GRIK2: variants seen among roughly 807,000 people sequenced by gnomAD.
GRIK2 encodes the protein glutamate ionotropic receptor kainate type subunit 2, also known as glutamate receptor ionotropic, kainate 2.
A neutral mutation model predicts 100.3 loss-of-function variants in GRIK2; 32 were observed. The ratio of observed to expected loss-of-function variants is 0.32; its 90% confidence interval spans 0.24 to 0.43. GRIK2 has a LOEUF of 0.43. Ranked by LOEUF, GRIK2 falls within the 20% of genes least tolerant of loss-of-function variation. GRIK2 has a pLI of 1.00. For synonymous variants in GRIK2, 417 were observed against 389.4 expected (o/e 1.07, Z -0.83); for missense variants, 843 against 1,114.9 (o/e 0.76, Z 3.47).
intron 7 of GRIK2, among the ~76,000 whole-genome samples, chr6:101,770,502 A>G (rs1470544837): frequency 6.6e-6 from 1 of 152,182 alleles, no homozygotes; most frequent in Non-Finnish European, 1.5e-5. Context: ...AAAGTCTTTT[A>G]TGTCCTGGTT....
intron 7 of GRIK2, among the ~76,000 whole-genome samples, chr6:101,703,400 A>G (rs751671701): frequency 3.3e-5 from 5 of 152,010 alleles, no homozygotes; most frequent in South Asian, 2.1e-4. Flanking sequence ...GACATGGTCA[A>G]TTGTGTCAAA....
At chr6:101,640,318 G>A (rs1781225236) in intron 4 of GRIK2, among the ~76,000 whole-genome samples, 2 of 152,118 alleles carry the variant, frequency 1.3e-5, no homozygotes, top group South Asian at 4.1e-4. Flanking sequence ...TCAAAAAGTT[G>A]CAGTTTCCAA....
chr6:101,994,697 C>T (rs1022288148), intron 14 of GRIK2, among the ~76,000 whole-genome samples: 5 of 151,906 alleles, frequency 3.3e-5, no homozygotes, highest in South Asian at 4.1e-4. Flanking sequence ...ACCATCTGTG[C>T]TTTGTCTTTT....
chr6:101,574,113 C>A lies in GRIK2; in HGVS notation c.116-47836C>A, dbSNP rs1777683893. On this transcript the variant is annotated intron_variant, in intron 2 of 16. Transcript: ENST00000369134. ...ATTGAGATTATATATAAAAATATTTCATGATACATAAAATGGAAGGAAATG... is the reference window on the plus strand; with the variant it reads ...ATTGAGATTATATATAAAAATATTTAATGATACATAAAATGGAAGGAAATG... Among the ~76,000 whole-genome samples, 3 of 150,864 alleles carry A rather than the reference C, an allele frequency of 2.0e-5. No individual in the cohort carries two copies. The South Asian group carries it at 6.2e-4, about 31-fold the overall frequency.
At chr6:101,843,329 G>A (rs1225460561) in intron 10 of GRIK2, among the ~76,000 whole-genome samples, 2 of 152,096 alleles carry the variant, frequency 1.3e-5, no homozygotes, top group African/African-American at 4.8e-5. Flanking sequence ...TCATGTCCTT[G>A]TATCCCCCTG....
At chr6:102,062,858 G>A (rs1771823982) in intron 16 of GRIK2, among the ~76,000 whole-genome samples, 1 of 150,310 alleles carries the variant, frequency 6.7e-6, no homozygotes, top group Admixed American at 6.7e-5. Flanking sequence ...CCAATATTAT[G>A]TAAAATATTA....
intron 1 of GRIK2, among the ~76,000 whole-genome samples, chr6:101,397,499 T>G (rs1218216270): frequency 2.0e-5 from 3 of 152,186 alleles, no homozygotes; most frequent in African/African-American, 7.2e-5. Flanking sequence ...GAACTAGCCA[T>G]TCATGATACT....
At chr6:101,624,502 T>C (rs1191420706) in intron 3 of GRIK2, among the ~76,000 whole-genome samples, 1 of 152,208 alleles carries the variant, frequency 6.6e-6, no homozygotes, top group East Asian at 1.9e-4. Flanking sequence ...ACTTAATTAT[T>C]AAATATTTCC....
intron 7 of GRIK2, among the ~76,000 whole-genome samples, chr6:101,747,320 A>T (rs1304745973): frequency 6.6e-6 from 1 of 152,226 alleles, no homozygotes; most frequent in Non-Finnish European, 1.5e-5. Context: ...TACCCACATG[A>T]ATCAGCAGGC....
At chr6:101,694,511 T>A (rs1772332553) in intron 7 of GRIK2, among the ~76,000 whole-genome samples, 1 of 152,038 alleles carries the variant, frequency 6.6e-6, no homozygotes, top group Admixed American at 6.6e-5. Context: ...AAATACTGGT[T>A]GAAATTATTA....
chr6:101,706,002 A>G (rs1161645822), intron 7 of GRIK2, among the ~76,000 whole-genome samples: 1 of 151,906 alleles, frequency 6.6e-6, no homozygotes, highest in African/African-American at 2.4e-5. Flanking sequence ...ATGCACAAAA[A>G]CTGGACAGAA....
chr6:101,504,055 T>A (rs1562185735), intron 2 of GRIK2, among the ~76,000 whole-genome samples: 1 of 152,158 alleles, frequency 6.6e-6, no homozygotes, highest in African/African-American at 2.4e-5. Context: ...ATTTTATAGA[T>A]GAGTAAACTA....
At chr6:101,923,897 C>T (rs1174410289) in intron 12 of GRIK2, among the ~76,000 whole-genome samples, 1 of 147,288 alleles carries the variant, frequency 6.8e-6, no homozygotes, top group African/African-American at 2.5e-5. Flanking sequence ...CTCACTCCAG[C>T]CTGGGGGACA....
intron 7 of GRIK2, among the ~76,000 whole-genome samples, chr6:101,795,556 T>C (rs1485278497): frequency 6.6e-6 from 1 of 152,174 alleles, no homozygotes; most frequent in Admixed American, 6.5e-5. Context: ...AGTGGGCATG[T>C]GTGTGGTGAA....
chr6:101,617,147 A>G (rs1779927715), intron 2 of GRIK2, among the ~76,000 whole-genome samples: 1 of 151,640 alleles, frequency 6.6e-6, no homozygotes, highest in South Asian at 2.1e-4. Context: ...CTTTCATACA[A>G]TTGTTTTTTA....
intron 2 of GRIK2, among the ~76,000 whole-genome samples, chr6:101,611,039 T>A (rs969310765): frequency 6.6e-6 from 1 of 151,768 alleles, no homozygotes; most frequent in Non-Finnish European, 1.5e-5. Flanking sequence ...TTAAAATTAA[T>A]ATTATTTGCA....
chr6:101,541,750 ACT>A (rs137877970), intron 2 of GRIK2, among the ~76,000 whole-genome samples: 22,013 of 151,874 alleles, frequency 0.14, 1,800 homozygotes, highest in Admixed American at 0.19. Context: ...CAAGCTGCTG[ACT>A]CTCTGATCTT....
chr6:101,514,705 C>A (rs1252954575), intron 2 of GRIK2, among the ~76,000 whole-genome samples: 1 of 151,864 alleles, frequency 6.6e-6, no homozygotes, highest in African/African-American at 2.4e-5. Context: ...GTTAAATTAC[C>A]CCTTCAACAA....
chr6:101,730,083 G>A (rs552809129), intron 7 of GRIK2, among the ~76,000 whole-genome samples: 31 of 151,918 alleles, frequency 2.0e-4, no homozygotes, highest in African/African-American at 7.5e-4. Context: ...AATGAACCAG[G>A]CTGTCTTTTA....
Sources: allele counts gnomAD v4.1 joint callset (sites outside exome capture counted in the v4.1 genomes callset), GRCh38; gene constraint gnomAD v4.1.1; transcripts MANE v1.5; gene names NCBI Gene and HGNC (gene_info 2026-07-23, HGNC 2026-07-21).